The following GPC5 variants were observed in gnomAD, a reference collection of about 807,000 sequenced individuals.
The protein encoded by GPC5 is glypican-5.
GPC5 carries 47 observed loss-of-function variants against 53.9 expected under a neutral mutation model. The ratio of observed to expected loss-of-function variants is 0.87; its 90% CI spans 0.69 to 1.11. The LOEUF (loss-of-function observed/expected upper bound fraction) is 1.11, where lower values mean the gene tolerates loss of function less well. Among genes scored for constraint, GPC5 ranks in the 50% most tolerant of loss-of-function variants. GPC5 has a pLI of 0.00. For missense variants in GPC5, 748 were observed against 713.1 expected (o/e 1.05, Z -0.56); for synonymous variants, 286 against 263.3 (o/e 1.09, Z -0.84).
chr13:92,413,288 C>A (rs954464763), intron 7 of GPC5, among the ~76,000 whole-genome samples: 2 of 152,170 alleles, frequency 1.3e-5, no homozygotes, highest in African/African-American at 4.8e-5. Context: ...CACTGCTAAG[C>A]AATCAAGCAA....
chr13:91,421,299 A>G (rs1244577548), intron 1 of GPC5, among the ~76,000 whole-genome samples: 5 of 152,144 alleles, frequency 3.3e-5, no homozygotes, highest in Non-Finnish European at 7.4e-5. Context: ...TTGGGATGTG[A>G]TGGTCTCTTT....
chr13:92,780,404 A>G (rs1875977983), intron 7 of GPC5, among the ~76,000 whole-genome samples: 1 of 147,848 alleles, frequency 6.8e-6, no homozygotes, highest in South Asian at 2.2e-4. Context: ...ACTTAATATA[A>G]TTAAGTGTAA....
chr13:92,056,099 A>G (rs2041072013), intron 6 of GPC5, among the ~76,000 whole-genome samples: 5 of 152,090 alleles, frequency 3.3e-5, no homozygotes, highest in Admixed American at 3.3e-4. Context: ...TTAATATATT[A>G]TCTTATAGTT....
At chr13:91,833,899 T>C (rs1242549520) in intron 5 of GPC5, among the ~76,000 whole-genome samples, 1 of 152,078 alleles carries the variant, frequency 6.6e-6, no homozygotes, top group African/African-American at 2.4e-5. Flanking sequence ...GCCAGGGCAA[T>C]CAAGCAAGAG....
chr13:92,405,105 T>C (rs1301368153), intron 7 of GPC5, among the ~76,000 whole-genome samples: 1 of 150,636 alleles, frequency 6.6e-6, no homozygotes, highest in Non-Finnish European at 1.5e-5. Context: ...TACATGCATT[T>C]AAGAAAGAAT....
chr13:91,459,456 T>G (rs201507077), intron 2 of GPC5, among the ~76,000 whole-genome samples: 2 of 119,538 alleles, frequency 1.7e-5, no homozygotes, highest in African/African-American at 3.3e-5. Context: ...TAGTGGGCCC[T>G]GGACATAGTA....
intron 2 of GPC5, among the ~76,000 whole-genome samples, chr13:91,581,969 A>G (rs1363420385): frequency 6.6e-6 from 1 of 152,208 alleles, no homozygotes; most frequent in African/African-American, 2.4e-5. Context: ...ACCAAAGTCC[A>G]AGAGAAAAAT....
At chr13:92,761,798 A>G (rs59628939) in intron 7 of GPC5, among the ~76,000 whole-genome samples, 15,089 of 152,082 alleles carry the variant, frequency 0.099, 820 homozygotes, top group Middle Eastern at 0.21. Flanking sequence ...TGTTCCTTGC[A>G]TTCTTTATTG....
intron 7 of GPC5, among the ~76,000 whole-genome samples, chr13:92,797,771 T>C (rs975160997): frequency 1.3e-5 from 2 of 151,568 alleles, no homozygotes; most frequent in African/African-American, 4.8e-5. Flanking sequence ...AGATGATAGA[T>C]AGATATAGAC....
chr13:92,063,566 A>G (rs960730281), intron 6 of GPC5, among the ~76,000 whole-genome samples: 1 of 152,154 alleles, frequency 6.6e-6, no homozygotes, highest in African/African-American at 2.4e-5. Context: ...TAAATTACTG[A>G]AAAAATAAAC....
At chr13:92,662,748 T>C (rs1306829966) in intron 7 of GPC5, among the ~76,000 whole-genome samples, 1 of 152,158 alleles carries the variant, frequency 6.6e-6, no homozygotes, top group East Asian at 1.9e-4. Context: ...AGATCCATAG[T>C]CTGGATTATA....
At chr13:91,461,046 G>A (rs1042321954) in intron 2 of GPC5, among the ~76,000 whole-genome samples, 1 of 152,074 alleles carries the variant, frequency 6.6e-6, no homozygotes, top group African/African-American at 2.4e-5. Flanking sequence ...GGCTTGAAAT[G>A]GCATCTCAAG....
intron 7 of GPC5, among the ~76,000 whole-genome samples, chr13:92,672,158 A>C (rs1265080526): frequency 6.6e-6 from 1 of 152,146 alleles, no homozygotes; most frequent in East Asian, 1.9e-4. Flanking sequence ...TTTGACAACA[A>C]TGTAGCTCAA....
chr13:91,475,310 G>A (rs564068572), intron 2 of GPC5, among the ~76,000 whole-genome samples: 33 of 152,182 alleles, frequency 2.2e-4, no homozygotes, highest in African/African-American at 7.9e-4. Flanking sequence ...AAGAAAAAAA[G>A]CACTTAGTAG....
At chr13:92,728,797 G>C (rs1888719718) in intron 7 of GPC5, among the ~76,000 whole-genome samples, 1 of 151,132 alleles carries the variant, frequency 6.6e-6, no homozygotes, top group South Asian at 2.1e-4. Flanking sequence ...TTTGCATGTT[G>C]CATTAATAAT....
At chr13:92,512,819 G>GGCTTTATA (rs1880623796) in intron 7 of GPC5, among the ~76,000 whole-genome samples, 1 of 152,104 alleles carries the variant, frequency 6.6e-6, no homozygotes. Context: ...TTAGCCAATT[G>GGCTTTATA]GCTTTATAGC....
intron 2 of GPC5, among the ~76,000 whole-genome samples, chr13:91,551,802 T>G (rs1017670373): frequency 6.6e-6 from 1 of 152,092 alleles, no homozygotes; most frequent in Non-Finnish European, 1.5e-5. Flanking sequence ...AGAGCAACAT[T>G]ATTCATGAAA....
intron 2 of GPC5, among the ~76,000 whole-genome samples, chr13:91,510,652 C>G (rs1392609845): frequency 1.3e-5 from 2 of 152,046 alleles, no homozygotes; most frequent in Non-Finnish European, 2.9e-5. Context: ...TCTTGCTAAA[C>G]TGTTTCCCAG....
At chr13:92,727,537 T>A (rs1293143157) in intron 7 of GPC5, among the ~76,000 whole-genome samples, 1 of 151,406 alleles carries the variant, frequency 6.6e-6, no homozygotes, top group African/African-American at 2.4e-5. Context: ...TAACTTCCTA[T>A]TATGCCTCAC....
Sources: gnomAD v4.1 joint callset for allele counts (sites outside exome capture counted in the v4.1 genomes callset) on GRCh38, gnomAD v4.1.1 for gene constraint, MANE v1.5 for transcripts, NCBI Gene and HGNC (gene_info 2026-07-23, HGNC 2026-07-21) for gene names.